Variants in DNAJB1 observed in about 807,000 individuals in gnomAD.
DNAJB1 encodes DnaJ heat shock protein family (Hsp40) member B1.
In DNAJB1, 14 loss-of-function variants were observed where a neutral mutation model predicts 24.0. That is an observed-to-expected ratio of 0.58 (90% CI 0.39 to 0.91). The LOEUF (loss-of-function observed/expected upper bound fraction) is 0.91, where lower values mean the gene tolerates loss of function less well. DNAJB1 is among the 40% of genes least tolerant of loss of function. The pLI is 0.00. For synonymous variants in DNAJB1, 262 were observed against 174.4 expected (o/e 1.50, Z -3.96); for missense variants, 517 against 458.1 (o/e 1.13, Z -1.17).
At chr19:14,525,571 G>T (rs954812589) in intron 2 of DNAJB1, among the ~76,000 whole-genome samples, 2 of 152,166 alleles carry the variant, frequency 1.3e-5, no homozygotes, top group Non-Finnish European at 2.9e-5. Context: ...GGCTCAAAAG[G>T]CTGCATGATT....
rs1362604353 is a variant in DNAJB1 at position 14,523,899 on chromosome 19, C to G, written c.-90+3827G>C. The stretch of plus-strand genomic sequence containing the variant: ...TTGGCCTCCCCAAGTGTTGGGATTA[C>G]AGGCATAAGCCACCATGTCTGGCCT... On this transcript the variant is annotated intron_variant, in intron 2 of 3. Coordinates refer to the DNAJB1 transcript ENST00000396969. Among the ~76,000 whole-genome samples the G allele has an allele frequency of 2.0e-5, 3 of 152,202 alleles. No homozygotes were observed. The East Asian group carries it at 5.8e-4, about 29-fold the overall frequency.
chr19:14,539,712 C>T (rs1356645113), intron 1 of DNAJB1, among the ~76,000 whole-genome samples: 1 of 152,108 alleles, frequency 6.6e-6, no homozygotes, highest in Non-Finnish European at 1.5e-5. Flanking sequence ...ATGCCCTTCC[C>T]TCTGCTTTCC....
chr19:14,535,580 A>G (rs1309329529), intron 1 of DNAJB1, among the ~76,000 whole-genome samples: 13 of 38,210 alleles, frequency 3.4e-4, no homozygotes, highest in Non-Finnish European at 7.2e-4. Context: ...ATATATATAT[A>G]TATATATATG....
chr19:14,540,988 G>GCT (rs1599431263), intron 1 of DNAJB1, among the ~76,000 whole-genome samples: 1 of 151,804 alleles, frequency 6.6e-6, no homozygotes, highest in East Asian at 1.9e-4. Flanking sequence ...GCCACACGCT[G>GCT]CTAATTTTGG....
At position 14,542,347 on chromosome 19, in the gene DNAJB1, G is replaced by GGTTTTTTTTTT. The variant is rs2073124658; in HGVS notation, c.-214+7860_-214+7861insAAAAAAAAAAC. Among the ~76,000 whole-genome samples, 67 of 43,304 alleles carry GGTTTTTTTTTT rather than the reference G, an allele frequency of 1.5e-3. 1 individual carries two copies. Among genetic ancestry groups the GGTTTTTTTTTT allele is most frequent in the African/African-American group, 4.5e-3 (55 of 12,328 alleles). 28.4% of individuals were successfully genotyped at this position (43,304 alleles called of 152,430 possible). On this transcript the variant is annotated intron_variant, in intron 1 of 3. Coordinates refer to the DNAJB1 transcript ENST00000676982. Reference sequence around the variant, plus strand: ...CCTCAGGGGGCCCTCATGCCATAGTGTTTTTTTTTTTTTTTTTTTTTTTTT... The same window carrying GGTTTTTTTTTT: ...CCTCAGGGGGCCCTCATGCCATAGTGGTTTTTTTTTTTTTTTTTTTTTTTTTTTTTTTTTTT...
At position 14,518,208 on chromosome 19, in the gene DNAJB1, T is replaced by C. The variant is rs369777056; in HGVS notation, c.142A>G (p.Ile48Val). Residue 48 changes from isoleucine (I) to valine (V), a missense_variant, in exon 1 of 3, where the codon ATC becomes GTC. Transcript: ENST00000254322. ...EPGAEEKFKE[I>V]AEAYDVLSDP... The stretch of plus-strand genomic sequence containing the variant: ...CTGAGCACGTCGTAGGCCTCAGCGA[T>C]CTCCTTGAACTTCTCCTCGGCGCCG... 1.9e-6 allele frequency: 3 copies of C among 1,609,628 alleles called. No individual in the cohort carries two copies. Among genetic ancestry groups the C allele is most frequent in the South Asian group, 1.1e-5 (1 of 90,726 alleles).
At chr19:14,518,799 C>T (rs1413427949), upstream of DNAJB1, among the ~76,000 whole-genome samples, 2 of 152,240 alleles carry the variant, frequency 1.3e-5, no homozygotes, top group Non-Finnish European at 2.9e-5. Flanking sequence ...CTACCCAGTC[C>T]TTTCCCCGGG....
At chr19:14,554,015 C>T (rs550698135), upstream of DNAJB1, among the ~76,000 whole-genome samples, 188 of 152,294 alleles carry the variant, frequency 1.2e-3, 1 homozygote, top group Admixed American at 5.1e-3. Context: ...AGAGAGCCTG[C>T]CGGAGCTTTG....
At chr19:14,540,649 C>T (rs986019126) in intron 1 of DNAJB1, among the ~76,000 whole-genome samples, 1 of 152,096 alleles carries the variant, frequency 6.6e-6, no homozygotes, top group Non-Finnish European at 1.5e-5. Flanking sequence ...GCCTGGGCCT[C>T]CCAAAGTGCT....
intron 1 of DNAJB1, among the ~76,000 whole-genome samples, chr19:14,544,857 T>C (rs545495760): frequency 6.6e-6 from 1 of 152,104 alleles, no homozygotes; most frequent in Non-Finnish European, 1.5e-5. Context: ...GGTCTTGAAC[T>C]CATGGGCTCC....
chr19:14,521,780 CCTGG>C (rs1242816087), upstream of DNAJB1, among the ~76,000 whole-genome samples: 3 of 152,132 alleles, frequency 2.0e-5, no homozygotes, highest in African/African-American at 7.2e-5. Flanking sequence ...TGCGACCATG[CCTGG>C]CTAATTTTTG....
upstream of DNAJB1, among the ~76,000 whole-genome samples, chr19:14,534,345 C>T (rs984542518): frequency 6.8e-5 from 10 of 147,944 alleles, no homozygotes; most frequent in South Asian, 4.3e-4. Context: ...AGGATGGTCT[C>T]GATCTCCTGA....
chr19:14,530,062 G>A (rs1476857034), upstream of DNAJB1: 3 of 412,978 alleles, frequency 7.3e-6, no homozygotes, highest in African/African-American at 2.0e-5. Flanking sequence ...ATCCGAGGGA[G>A]TCTTGCACAA....
intron 1 of DNAJB1, chr19:14,545,644 G>A (rs2073281806): frequency 1.5e-5 from 3 of 193,808 alleles, no homozygotes; most frequent in Middle Eastern, 4.6e-3. Context: ...CAGGCCCGAC[G>A]CAGCAAGGGG....
At chr19:14,529,337 G>A (rs1232948479), upstream of DNAJB1, 2 of 452,034 alleles carry the variant, frequency 4.4e-6, no homozygotes, top group East Asian at 4.1e-5. Context: ...ACGCCATCAG[G>A]GGGCGTGGCA....
chr19:14,550,826 C>T (rs996082083), upstream of DNAJB1, among the ~76,000 whole-genome samples: 18 of 151,836 alleles, frequency 1.2e-4, no homozygotes, highest in African/African-American at 4.4e-4. Flanking sequence ...GACTACAGGC[C>T]CGTACCACTA....
upstream of DNAJB1, chr19:14,530,973 T>TA (rs1195908065): frequency 6.6e-6 from 1 of 152,216 alleles, no homozygotes; most frequent in Non-Finnish European, 1.5e-5. Flanking sequence ...GCCACCATTC[T>TA]ACTCAGCCAC....
upstream of DNAJB1, among the ~76,000 whole-genome samples, chr19:14,551,056 T>C (rs1181505152): frequency 6.6e-6 from 1 of 151,964 alleles, no homozygotes; most frequent in African/African-American, 2.4e-5. Context: ...TCCTTAATTA[T>C]ATCTGCAAAG....
intron 1 of DNAJB1, among the ~76,000 whole-genome samples, chr19:14,547,145 A>G (rs1367375641): frequency 6.6e-6 from 1 of 152,164 alleles, no homozygotes; most frequent in African/African-American, 2.4e-5. Context: ...GCTTATTCAT[A>G]GCCTCTTATT....
Sources: allele counts gnomAD v4.1 joint callset (sites outside exome capture counted in the v4.1 genomes callset), GRCh38; gene constraint gnomAD v4.1.1; transcripts MANE v1.5; gene names NCBI Gene and HGNC (gene_info 2026-07-23, HGNC 2026-07-21).